SCTR: variants seen among roughly 807,000 people sequenced by gnomAD.
SCTR encodes the protein secretin receptor.
A neutral mutation model predicts 60.8 loss-of-function variants in SCTR; 56 were observed. The observed-to-expected ratio is 0.92, with a 90% CI of 0.74 to 1.15. The LOEUF (loss-of-function observed/expected upper bound fraction) is 1.15. SCTR is among the 50% of genes most tolerant of loss of function. The pLI is 0.00. For missense variants in SCTR, 562 were observed against 550.4 expected (o/e 1.02, Z -0.21); for synonymous variants, 202 against 217.0 (o/e 0.93, Z 0.61).
intron 1 of SCTR, among the ~76,000 whole-genome samples, chr2:119,512,587 G>A (rs192053527): frequency 6.6e-6 from 1 of 150,520 alleles, no homozygotes; most frequent in African/African-American, 2.5e-5. Context: ...AGTAGAGACG[G>A]GGTTTCACCT....
intron 4 of SCTR, 72 bp downstream of exon 4, chr2:119,473,381 T>C: frequency 9.4e-7 from 1 of 1,068,542 alleles, no homozygotes; most frequent in South Asian, 1.3e-5. Flanking sequence ...TCCCAGGGCC[T>C]CCTCTCCCAG....
intron 3 of SCTR, among the ~76,000 whole-genome samples, chr2:119,474,170 G>A (rs530393524): frequency 3.9e-5 from 6 of 152,268 alleles, no homozygotes; most frequent in East Asian, 1.9e-4. Flanking sequence ...CCCCTGGCAC[G>A]AGGACGCATG....
chr2:119,495,514 A>G (rs1457974385), intron 1 of SCTR: 1 of 152,080 alleles, frequency 6.6e-6, no homozygotes, highest in African/African-American at 2.4e-5. Context: ...AAATTCCAAC[A>G]TAATGGAGCA....
At chr2:119,506,705 G>A (rs1416971965) in intron 1 of SCTR, among the ~76,000 whole-genome samples, 1 of 152,006 alleles carries the variant, frequency 6.6e-6, no homozygotes, top group Non-Finnish European at 1.5e-5. Context: ...TGAACTCTTG[G>A]CCTCAAGCAA....
In SCTR at chr2:119,458,173, G is replaced by C. The variant is rs72833274; in HGVS notation, c.790+3674C>G. On this transcript the variant is annotated intron_variant, in intron 7 of 12. Transcript: ENST00000019103. The stretch of plus-strand genomic sequence containing the variant: ...AAATAAAAATTAGCTAGGTACAGTG[G>C]TGCATGCCTGTAGTCACAGCCACTC... Among the ~76,000 whole-genome samples the C allele has an allele frequency of 1.4e-4, 21 of 151,972 alleles. 1 individual carries two copies. Among genetic ancestry groups the C allele is most frequent in the Admixed American group, 1.0e-3 (16 of 15,252 alleles).
chr2:119,487,654 A>C (rs1677929142), intron 2 of SCTR, among the ~76,000 whole-genome samples: 1 of 152,212 alleles, frequency 6.6e-6, no homozygotes. Flanking sequence ...CAAAGTAATA[A>C]ATAGCCCTGT....
intron 1 of SCTR, among the ~76,000 whole-genome samples, chr2:119,523,453 G>A (rs1421351207): frequency 1.3e-5 from 2 of 149,060 alleles, no homozygotes; most frequent in Non-Finnish European, 1.5e-5. Context: ...TCCTCCTCCA[G>A]CCCCTTGCCA....
At chr2:119,510,859 A>T (rs904008454) in intron 1 of SCTR, among the ~76,000 whole-genome samples, 2 of 151,944 alleles carry the variant, frequency 1.3e-5, no homozygotes, top group African/African-American at 4.8e-5. Context: ...AACCATTTTC[A>T]ACTCCTTTTA....
At chr2:119,489,175 C>G (rs2579653) in intron 2 of SCTR, among the ~76,000 whole-genome samples, 1 of 152,144 alleles carries the variant, frequency 6.6e-6, no homozygotes, top group Non-Finnish European at 1.5e-5. Context: ...CACCTCTCTC[C>G]CCCAAGGTTA....
At chr2:119,504,316 G>C (rs1267328010) in intron 1 of SCTR, among the ~76,000 whole-genome samples, 1 of 152,166 alleles carries the variant, frequency 6.6e-6, no homozygotes, top group East Asian at 1.9e-4. Context: ...TAGGAGCTCA[G>C]CTGCAGTGGT....
intron 4 of SCTR, among the ~76,000 whole-genome samples, chr2:119,466,844 A>G (rs940482749): frequency 2.0e-5 from 3 of 152,188 alleles, no homozygotes; most frequent in Non-Finnish European, 2.9e-5. Flanking sequence ...CTTTAGTTAA[A>G]TTAATATGCT....
At chr2:119,464,075 G>A (rs1402349903) in intron 6 of SCTR, 48 bp downstream of exon 6, 2 of 1,607,160 alleles carry the variant, frequency 1.2e-6, no homozygotes, top group East Asian at 2.2e-5. Context: ...GCTAGGCTGG[G>A]GAAGGCAGGC....
chr2:119,449,100 G>T (rs1683044015), intron 9 of SCTR, among the ~76,000 whole-genome samples: 1 of 152,232 alleles, frequency 6.6e-6, no homozygotes, highest in Admixed American at 6.5e-5. Context: ...TGCAGGTTTG[G>T]GGTGGACCTG....
At chr2:119,501,584 G>C (rs1207636665) in intron 1 of SCTR, among the ~76,000 whole-genome samples, 1 of 152,074 alleles carries the variant, frequency 6.6e-6, no homozygotes, top group Non-Finnish European at 1.5e-5. Context: ...ATGATAGTTA[G>C]CAATAATTTA....
chr2:119,461,654 T>C (rs1683606730), intron 7 of SCTR, among the ~76,000 whole-genome samples, 193 bp downstream of exon 7: 1 of 139,532 alleles, frequency 7.2e-6, no homozygotes, highest in South Asian at 2.2e-4. Context: ...AAGGTTGCAG[T>C]GAGCCAAGAT....
chr2:119,441,141 G>A (rs1197329718), intron 12 of SCTR, among the ~76,000 whole-genome samples: 4 of 152,168 alleles, frequency 2.6e-5, no homozygotes, highest in African/African-American at 9.7e-5. Context: ...TCACATATGG[G>A]CAGACTGAGG....
intron 1 of SCTR, among the ~76,000 whole-genome samples, chr2:119,514,805 G>A (rs1311162823): frequency 6.6e-6 from 1 of 152,126 alleles, no homozygotes; most frequent in Non-Finnish European, 1.5e-5. Context: ...TTGAACCCGG[G>A]AGGCAGAGGT....
intron 2 of SCTR, among the ~76,000 whole-genome samples, chr2:119,490,205 A>T (rs551875590): frequency 1.4e-4 from 21 of 152,336 alleles, no homozygotes; most frequent in Admixed American, 5.2e-4. Flanking sequence ...AAGTGCAGTC[A>T]GGTAGAGGGA....
rs192792102 is a variant in SCTR, at chr2:119,518,878, A to C, written c.72+5277T>G. Among the ~76,000 whole-genome samples, 199 of 152,140 alleles carry C rather than the reference A, an allele frequency of 1.3e-3. 1 individual carries two copies. The highest frequency in any genetic ancestry group is 4.4e-3 in the African/African-American group (184 of 41,512). On this transcript the variant is annotated intron_variant, in intron 1 of 12. Coordinates refer to ENST00000019103, the MANE Select transcript of SCTR (RefSeq NM_002980.3). ...CCTTGTCATGGTAGGAAATCTGGGG[A>C]CTTCCCAACCTGGGTGGGGATCATG...
Sources: gnomAD v4.1 joint callset for allele counts (sites outside exome capture counted in the v4.1 genomes callset) on GRCh38, gnomAD v4.1.1 for gene constraint, MANE v1.5 for transcripts, NCBI Gene and HGNC (gene_info 2026-07-23, HGNC 2026-07-21) for gene names.